Variants in OTUD7B observed in about 807,000 individuals in gnomAD.
The protein encoded by OTUD7B is OTU domain-containing protein 7B.
OTUD7B carries 34 observed loss-of-function variants against 82.2 expected under a neutral mutation model. That is an observed-to-expected ratio of 0.41 (90% confidence interval 0.31 to 0.55). The LOEUF (loss-of-function observed/expected upper bound fraction) is 0.55. Among genes scored for constraint, OTUD7B ranks in the 20% least tolerant of loss-of-function variants. The pLI, the probability that OTUD7B is intolerant of heterozygous loss-of-function variation, is 0.20. For synonymous variants in OTUD7B, 398 were observed against 402.7 expected (o/e 0.99, Z 0.14); for missense variants, 944 against 1,062.1 (o/e 0.89, Z 1.55).
At chr1:150,045,028 A>G in the OTUD7B span, among the ~76,000 whole-genome samples, 1 of 152,128 alleles carries the variant, frequency 6.6e-6, no homozygotes, top group Non-Finnish European at 1.5e-5. Context: ...AATAATACCA[A>G]TAATTATTAG....
chr1:150,005,714 G>A (rs782607103), intron 1 of OTUD7B, among the ~76,000 whole-genome samples: 22 of 151,840 alleles, frequency 1.4e-4, no homozygotes, highest in South Asian at 1.0e-3. Flanking sequence ...AGGAGGAAAA[G>A]TCTGACAGAT....
the OTUD7B span, among the ~76,000 whole-genome samples, chr1:150,043,014 TTCAGAA>T: frequency 0.021 from 3,268 of 152,196 alleles, 95 homozygotes; most frequent in African/African-American, 0.074. Flanking sequence ...ATAAAATACA[TTCAGAA>T]ATGTATTCAG....
the OTUD7B span, among the ~76,000 whole-genome samples, chr1:150,044,342 G>A: frequency 1.3e-5 from 2 of 151,708 alleles, no homozygotes; most frequent in Non-Finnish European, 2.9e-5. Flanking sequence ...CAAGTAGCTG[G>A]GATTATAGGT....
chr1:150,065,893 C>T, the OTUD7B span, among the ~76,000 whole-genome samples: 1 of 142,996 alleles, frequency 7.0e-6, no homozygotes, highest in Non-Finnish European at 1.5e-5. Context: ...AATATCACTG[C>T]CACTGACATC....
chr1:149,989,595 C>G (rs1651419310), intron 1 of OTUD7B, among the ~76,000 whole-genome samples: 1 of 151,378 alleles, frequency 6.6e-6, no homozygotes, highest in Admixed American at 6.6e-5. Flanking sequence ...CAAAAATTAG[C>G]TGGGCATGGT....
chr1:149,988,445 A>C (rs1428108089), intron 1 of OTUD7B, among the ~76,000 whole-genome samples: 1 of 152,194 alleles, frequency 6.6e-6, no homozygotes, highest in African/African-American at 2.4e-5. Flanking sequence ...TCCCATCAAT[A>C]ACCAAAGGGT....
the OTUD7B span, among the ~76,000 whole-genome samples, chr1:150,038,549 G>T: frequency 6.6e-6 from 1 of 151,542 alleles, no homozygotes; most frequent in African/African-American, 2.4e-5. Context: ...GCCACACCTG[G>T]CTAATTTTTG....
chr1:149,981,106 A>AGAG (rs1292545045), intron 1 of OTUD7B, among the ~76,000 whole-genome samples: 4 of 146,226 alleles, frequency 2.7e-5, no homozygotes, highest in Admixed American at 1.4e-4. Flanking sequence ...AGGAGGAGGA[A>AGAG]GAGGAGGAGG....
At chr1:150,054,658 A>G in the OTUD7B span, 3 of 330,734 alleles carry the variant, frequency 9.1e-6, no homozygotes, top group Non-Finnish European at 5.9e-6. Context: ...AAATACAAAA[A>G]TTAGCCGGGT....
chr1:149,966,495 C>T (rs1233184932), intron 4 of OTUD7B, among the ~76,000 whole-genome samples: 1 of 152,076 alleles, frequency 6.6e-6, no homozygotes, highest in African/African-American at 2.4e-5. Context: ...TGGGGTGTGA[C>T]TTTAAAGGAA....
chr1:150,007,590 A>G (rs979993249), intron 1 of OTUD7B, among the ~76,000 whole-genome samples: 11 of 152,206 alleles, frequency 7.2e-5, no homozygotes, highest in African/African-American at 2.4e-4. Context: ...ACATGTCTTT[A>G]CATCTTTTAT....
At chr1:149,951,788 T>C (rs1308328042) in intron 7 of OTUD7B, among the ~76,000 whole-genome samples, 2 of 152,194 alleles carry the variant, frequency 1.3e-5, no homozygotes, top group African/African-American at 2.4e-5. Context: ...TTAACCATTA[T>C]GGAAAATTTC....
chr1:150,064,693 AT>A, the OTUD7B span, among the ~76,000 whole-genome samples: 4 of 152,042 alleles, frequency 2.6e-5, no homozygotes, highest in Non-Finnish European at 5.9e-5. Context: ...TTATGCAAAT[AT>A]TTTTTTCAAT....
At chr1:149,954,205 T>C (rs587614428) in intron 7 of OTUD7B, among the ~76,000 whole-genome samples, 1 of 152,344 alleles carries the variant, frequency 6.6e-6, no homozygotes, top group East Asian at 1.9e-4. Context: ...GCTCTTATTA[T>C]TTTGAGATAC....
the OTUD7B span, chr1:150,054,966 G>T: frequency 3.0e-6 from 1 of 332,872 alleles, no homozygotes. Flanking sequence ...CTATTCCTCA[G>T]CTCCAGGGCT....
chr1:149,952,317 G>A (rs1401396767), intron 7 of OTUD7B, among the ~76,000 whole-genome samples: 4 of 150,730 alleles, frequency 2.7e-5, no homozygotes, highest in African/African-American at 7.3e-5. Flanking sequence ...TTTTGTCCTT[G>A]CGATAGTTTG....
the OTUD7B span, among the ~76,000 whole-genome samples, chr1:150,037,415 C>T: frequency 4.6e-5 from 7 of 152,000 alleles, no homozygotes; most frequent in Non-Finnish European, 8.8e-5. Context: ...AAAAGATACA[C>T]GACATTTTGA....
chr1:150,007,842 C>G (rs1652765492), intron 1 of OTUD7B, among the ~76,000 whole-genome samples: 1 of 152,194 alleles, frequency 6.6e-6, no homozygotes, highest in South Asian at 2.1e-4. Flanking sequence ...GTCTGCTATT[C>G]CACAGCTCCT....
At chr1:149,966,833 T>A (rs1207660196) in intron 4 of OTUD7B, among the ~76,000 whole-genome samples, 2 of 152,248 alleles carry the variant, frequency 1.3e-5, no homozygotes, top group Non-Finnish European at 2.9e-5. Flanking sequence ...AGCATTTTAA[T>A]GCCTGATTAG....
Sources: allele counts gnomAD v4.1 joint callset (sites outside exome capture counted in the v4.1 genomes callset), GRCh38; gene constraint gnomAD v4.1.1; transcripts MANE v1.5; gene names NCBI Gene and HGNC (gene_info 2026-07-23, HGNC 2026-07-21).